MUC4: variants seen among roughly 807,000 people sequenced by gnomAD.
MUC4 encodes mucin 4, cell surface associated.
In MUC4, 202 loss-of-function variants were observed where a neutral mutation model predicts 257.9. The ratio of observed to expected loss-of-function variants is 0.78; its 90% CI spans 0.70 to 0.88. The LOEUF is 0.88. Among genes scored for constraint, MUC4 ranks in the 40% least tolerant of loss-of-function variants. MUC4 has a pLI of 0.00. For synonymous variants in MUC4, 2,351 were observed against 2,757.1 expected, an observed-to-expected ratio of 0.85 and a Z score of 4.62; for missense variants, 5,976 against 6,513.7, an observed-to-expected ratio of 0.92 and a Z score of 2.84.
In MUC4 at chr3:195,765,114, C is replaced by T; in HGVS notation, c.13807G>A (p.Gly4603Ser). Residue 4603 changes from glycine to serine, a missense_variant, in exon 10 of 25, where the codon GGC becomes AGC. Gly to Ser is a moderately conservative substitution (Grantham distance 56). Around this residue, in one of 44 missense-constraint regions of MUC4, gnomAD observed 996 missense variants for 1,137.3 expected, o/e 0.88. Coordinates refer to ENST00000463781, the MANE Select transcript of MUC4 (RefSeq NM_018406.7). ...CTGCACAGCTGCCTACTGCCGAGGC[C>T]CCAGCGACCTGAAACAAGTCCAGTC... is the stretch of plus-strand genomic sequence containing the variant. ...RFQPVSIGRW[G>S]LGSRQLCSFT... 2.5e-6 allele frequency: 4 copies of T among 1,612,510 alleles called. No individual in the cohort carries two copies. The highest frequency in any genetic ancestry group is 3.4e-6 in the Non-Finnish European group (4 of 1,179,230).
At chr3:195,763,208 A>G (rs1370075378) in intron 12 of MUC4, among the ~76,000 whole-genome samples, 2 of 152,266 alleles carry the variant, frequency 1.3e-5, no homozygotes, top group African/African-American at 4.8e-5. Flanking sequence ...AGAAAACCAA[A>G]TTAAGTAGTT....
Position 195,746,972 on chromosome 3 carries a change from GT to G in MUC4, c.*203del. 1 of 755,336 alleles carries G rather than the reference GT, an allele frequency of 1.3e-6. No individual in the cohort carries two copies. Among genetic ancestry groups the G allele is most frequent in the East Asian group, 2.7e-5 (1 of 37,486 alleles). The allele number at this position is 755,336 out of a possible 1,614,324, so 46.8% of individuals were successfully genotyped here. A position where few individuals can be genotyped will look rare whatever the true frequency, so the allele number is the denominator to read the frequency against. On this transcript the variant is annotated 3_prime_UTR_variant, in exon 25 of 25. Coordinates refer to ENST00000463781, the MANE Select transcript of MUC4 (RefSeq NM_018406.7). Reference sequence around the variant, plus strand: ...TCTGCGTGAGGACCCATCCATGCATGTTTGATCTTTATGGCCTCCCCCTGTG... The same window carrying G: ...TCTGCGTGAGGACCCATCCATGCATGTTGATCTTTATGGCCTCCCCCTGTG...
rs767476492 is a variant in MUC4, at chr3:195,790,563, G to A, written c.1017C>T (p.Asn339=). 1.2e-5 allele frequency: 19 copies of A among 1,614,042 alleles called. No homozygotes were observed. The highest frequency in any genetic ancestry group is 1.6e-5 in the Non-Finnish European group (19 of 1,179,896). ...TAACCGGTGTGAGGGTGTTGAGGGT[G>A]TTGATTTGAGATACTCTGGTGGTCT... ...SVETTRVSQI[N]TLNTLTPVTT... The change falls in exon 2 of 25, where the codon AAC becomes AAT. Residue 339 remains asparagine, a synonymous_variant. Transcript: ENST00000463781.
Position 195,770,251 on chromosome 3 carries a change from T to G in MUC4, c.13363A>C (p.Asn4455His), listed in dbSNP as rs1452608878. Residue 4455 changes from asparagine (N) to histidine (H), a missense_variant, in exon 6 of 25, where the codon AAT becomes CAT. Physicochemically the swap from Asn to His is moderately conservative, Grantham distance 68 (BLOSUM62 1). Coordinates refer to ENST00000463781, the MANE Select transcript of MUC4 (RefSeq NM_018406.7). The stretch of plus-strand genomic sequence containing the variant: ...CACTGGGCAGGATAGGCGTGGGCAT[T>G]GACCCACGTGACCTTTAGGGCCCAC... ...ARWALKVTWV[N>H]AHAYPAQWTL... 9 of 1,613,610 alleles carry G rather than the reference T, an allele frequency of 5.6e-6. No homozygotes were observed. The highest frequency in any genetic ancestry group is 7.6e-6 in the Non-Finnish European group (9 of 1,179,798).
chr3:195,754,085 C>T, intron 19 of MUC4, 128 bp downstream of exon 19: 3 of 1,285,120 alleles, frequency 2.3e-6, no homozygotes, highest in Non-Finnish European at 3.2e-6. Context: ...TTTCCCACAC[C>T]TGCCTAGATT....
intron 24 of MUC4, among the ~76,000 whole-genome samples, chr3:195,748,130 G>A (rs1190232877): frequency 6.6e-6 from 1 of 152,278 alleles, no homozygotes; most frequent in Admixed American, 6.5e-5. Flanking sequence ...GTTAACCAGC[G>A]GAGCCCCGGG....
rs145449375 is a variant in MUC4, at chr3:195,747,255, G to T, written c.16160C>A (p.Thr5387Lys). ...LGGLLLLGVG[T>K]FVVLRFWGCS... is the part of the protein sequence containing the mutation. The stretch of plus-strand genomic sequence containing the variant: ...ACCCCAGAAGCGCAGGACCACGAAC[G>T]TCCCGACCCCCAGCAGCAAGAGGCC... The change falls in exon 25 of 25, where the codon ACG becomes AAG. Residue 5387 changes from threonine (T) to lysine (K), a missense_variant. Physicochemically the swap from Thr to Lys is moderately conservative, Grantham distance 78 (BLOSUM62 -1). Around this residue, in one of 44 missense-constraint regions of MUC4, gnomAD observed 310 missense variants for 242.1 expected, o/e 1.28. Coordinates refer to ENST00000463781, the MANE Select transcript of MUC4 (RefSeq NM_018406.7). 123 of 1,614,220 alleles carry T rather than the reference G, an allele frequency of 7.6e-5. No individual in the cohort carries two copies. The African/African-American group carries it at 1.6e-3, about 20-fold the overall frequency.
rs1346181994 is a variant in MUC4, at chr3:195,811,822, G to A, written c.-5C>T. On this transcript the variant is annotated 5_prime_UTR_variant, in exon 1 of 25. Coordinates refer to ENST00000463781, the MANE Select transcript of MUC4 (RefSeq NM_018406.7). ...CCTCCAGCGTGCCCCCTTCATGGCTGCGGCAAAAGTCCCCCTGGCTCCCTG... is the reference window on the plus strand; with the variant it reads ...CCTCCAGCGTGCCCCCTTCATGGCTACGGCAAAAGTCCCCCTGGCTCCCTG... 2 of 1,613,518 alleles carry A rather than the reference G, an allele frequency of 1.2e-6. No individual in the cohort carries two copies. The highest frequency in any genetic ancestry group is 8.5e-7 in the Non-Finnish European group (1 of 1,179,768).
At chr3:195,798,907 C>A (rs1191192595) in intron 1 of MUC4, among the ~76,000 whole-genome samples, 3 of 152,156 alleles carry the variant, frequency 2.0e-5, no homozygotes, top group South Asian at 2.1e-4. Context: ...CCTACAAGAG[C>A]TGGCTCAGGG....
At position 195,761,027 on chromosome 3, in the gene MUC4, T is replaced by TC; in HGVS notation, c.14704_14705insG (p.Asn4902ArgfsTer6). 1 of 1,614,108 alleles carries TC rather than the reference T, an allele frequency of 6.2e-7. No individual in the cohort carries two copies. The highest frequency in any genetic ancestry group is 2.2e-5 in the East Asian group (1 of 44,882). On this transcript the variant is annotated frameshift_variant, in exon 16 of 25. Transcript: ENST00000463781. LOFTEE classifies it high-confidence loss of function. ...GATCAAATGTTCAGCCCAGGAGCTG[T>TC]TTTTTTGCAGTTGTGAGTAGAAAAC...
Position 195,780,890 on chromosome 3 carries a change from C to A in MUC4, c.10690G>T (p.Gly3564Cys). ...GTGACAGGAAGAGGGGTGGCCTGAC[C>A]TGTGGATGCCGAGGAAGCGTCGGTG... Reference protein sequence around the residue: ...PVTDASSASTGQATPLPVTSL... With the variant: ...PVTDASSASTCQATPLPVTSL... Residue 3564 changes from glycine to cysteine, a missense_variant, in exon 2 of 25, where the codon GGT (glycine) becomes TGT (cysteine). Gly to Cys is a radical substitution (Grantham distance 159). Coordinates refer to ENST00000463781, the MANE Select transcript of MUC4 (RefSeq NM_018406.7). 1 of 1,497,150 alleles carries A rather than the reference C, an allele frequency of 6.7e-7. No individual in the cohort carries two copies. The highest frequency in any genetic ancestry group is 2.4e-5 in the East Asian group (1 of 41,122). The allele number at this position is 1,497,150 out of a possible 1,614,324, so 92.7% of individuals were successfully genotyped here.
In MUC4 at chr3:195,762,902, A is replaced by T; in HGVS notation, c.14297T>A (p.Leu4766Gln). 1.3e-6 allele frequency: 2 copies of T among 1,574,960 alleles called. No homozygotes were observed. Among genetic ancestry groups the T allele is most frequent in the Non-Finnish European group, 1.7e-6 (2 of 1,161,426 alleles). Residue 4766 changes from leucine to glutamine, a missense_variant, in exon 13 of 25, where the codon CTG (leucine) becomes CAG (glutamine). Physicochemically the swap from Leu to Gln is moderately radical, Grantham distance 113 (BLOSUM62 -2). Coordinates refer to ENST00000463781, the MANE Select transcript of MUC4 (RefSeq NM_018406.7). ...CTGAAATGTCACAGTCTGGTTATCC[A>T]GCAGGACACGGATTGCGTCGTGAGG... Reference protein sequence around the residue: ...LEPHDAIRVLLDNQTVTFQPD... With the variant: ...LEPHDAIRVLQDNQTVTFQPD...
intron 23 of MUC4, among the ~76,000 whole-genome samples, chr3:195,749,296 A>G (rs1424156294): frequency 4.3e-5 from 3 of 69,998 alleles, no homozygotes; most frequent in Non-Finnish European, 5.1e-5. Context: ...GGTGCTTCCT[A>G]TGGAAAAAGT....
At chr3:195,778,546 G>A (rs2259419) in intron 2 of MUC4, 91 bp from the exon 3 acceptor site, 881,222 of 1,530,750 alleles carry the variant, frequency 0.58, 255,780 homozygotes, top group East Asian at 0.73. Flanking sequence ...GCTGGAAGAG[G>A]GAGCTGGAAA....
intron 24 of MUC4, 117 bp from the exon 25 acceptor site, chr3:195,747,497 C>T (rs1715284576): frequency 1.1e-5 from 13 of 1,211,692 alleles, no homozygotes; most frequent in East Asian, 5.0e-5. Flanking sequence ...CCCCACTCTC[C>T]GGAGAGACTG....
intron 7 of MUC4, 149 bp downstream of exon 7, chr3:195,768,873 C>A: frequency 9.6e-7 from 1 of 1,041,630 alleles, no homozygotes; most frequent in Non-Finnish European, 1.3e-6. Flanking sequence ...AGATGCCTGG[C>A]CCCAGCGGGA....
chr3:195,807,821 C>T (rs1736175360), intron 1 of MUC4, among the ~76,000 whole-genome samples: 1 of 152,254 alleles, frequency 6.6e-6, no homozygotes, highest in South Asian at 2.1e-4. Context: ...CACTTCTTGT[C>T]CTCTCATTGC....
intron 1 of MUC4, among the ~76,000 whole-genome samples, chr3:195,804,813 T>TATC (rs1735774411): frequency 6.6e-6 from 1 of 152,252 alleles, no homozygotes; most frequent in African/African-American, 2.4e-5. Flanking sequence ...GCTATTTGTG[T>TATC]ATCAGCCCAG....
At position 195,754,148 on chromosome 3, in the gene MUC4, G is replaced by T. The variant is rs567436393; in HGVS notation, c.15328+65C>A. ...GGAGAGAAATGGTTTGCCTTTGGCTGTCTACACCCTTGAGCTATCAGCTGC... is the reference window on the plus strand; with the variant it reads ...GGAGAGAAATGGTTTGCCTTTGGCTTTCTACACCCTTGAGCTATCAGCTGC... On this transcript the variant is annotated intron_variant, in intron 19 of 24. Coordinates refer to ENST00000463781, the MANE Select transcript of MUC4 (RefSeq NM_018406.7). 7.1e-6 allele frequency: 11 copies of T among 1,538,492 alleles called. No individual in the cohort carries two copies. In the South Asian group the frequency reaches 1.2e-4, roughly 17 times the overall value.
Sources: allele counts gnomAD v4.1 joint callset (sites outside exome capture counted in the v4.1 genomes callset), GRCh38; gene constraint gnomAD v4.1.1; regional missense constraint gnomAD v4.1.1; transcripts MANE v1.5; gene names NCBI Gene and HGNC (gene_info 2026-07-23, HGNC 2026-07-21).